WWOX: variants seen among roughly 807,000 people sequenced by gnomAD.
WWOX encodes the protein WW domain-containing oxidoreductase.
WWOX carries 69 observed loss-of-function variants against 46.2 expected under a neutral mutation model. The observed-to-expected ratio is 1.49, with a 90% confidence interval of 1.23 to 1.82. The LOEUF (loss-of-function observed/expected upper bound fraction) is 1.82. WWOX is among the 40% of genes most tolerant of loss of function. The probability of loss-of-function intolerance (pLI) is 0.00; values close to 1 mark genes in which losing one functional copy is unlikely to be tolerated. For synonymous variants in WWOX, 359 were observed against 202.6 expected (o/e 1.77, Z -6.56); for missense variants, 919 against 542.6 (o/e 1.69, Z -6.89).
At chr16:78,503,938 A>G (rs1163662978) in intron 8 of WWOX, 1 of 152,234 alleles carries the variant, frequency 6.6e-6, no homozygotes, top group Non-Finnish European at 1.5e-5. Flanking sequence ...AGTAAATCAC[A>G]TTTTTATGCT....
chr16:78,922,002 C>G (rs910593724), intron 8 of WWOX, among the ~76,000 whole-genome samples: 4 of 152,196 alleles, frequency 2.6e-5, no homozygotes, highest in Non-Finnish European at 4.4e-5. Context: ...CTTCTATTGT[C>G]CTCTACCCAT....
At chr16:78,978,084 T>C (rs2046608709) in intron 8 of WWOX, among the ~76,000 whole-genome samples, 1 of 152,210 alleles carries the variant, frequency 6.6e-6, no homozygotes, top group Non-Finnish European at 1.5e-5. Context: ...TCAGTAGGTT[T>C]GCTTATTTGG....
At chr16:78,886,074 G>A (rs529892702) in intron 8 of WWOX, among the ~76,000 whole-genome samples, 6 of 151,588 alleles carry the variant, frequency 4.0e-5, no homozygotes, top group African/African-American at 9.7e-5. Flanking sequence ...ACAGGTGCTC[G>A]CCACCACACC....
intron 6 of WWOX, among the ~76,000 whole-genome samples, chr16:78,417,130 T>TG (rs35050448): frequency 6.6e-6 from 1 of 151,994 alleles, no homozygotes; most frequent in Non-Finnish European, 1.5e-5. Context: ...TGGAGATCAG[T>TG]GGGGTGATTA....
At chr16:78,905,082 C>T (rs1597131617) in intron 8 of WWOX, among the ~76,000 whole-genome samples, 1 of 152,084 alleles carries the variant, frequency 6.6e-6, no homozygotes, top group Non-Finnish European at 1.5e-5. Flanking sequence ...GACTTGTATT[C>T]TTGGGGTCAC....
chr16:78,754,923 C>T (rs1227756953), intron 8 of WWOX, among the ~76,000 whole-genome samples: 4 of 151,776 alleles, frequency 2.6e-5, no homozygotes, highest in Non-Finnish European at 2.9e-5. Flanking sequence ...TACTGCTGTC[C>T]CCAGGGAAGA....
At chr16:78,546,926 A>G (rs1021186095) in intron 8 of WWOX, among the ~76,000 whole-genome samples, 4 of 152,042 alleles carry the variant, frequency 2.6e-5, no homozygotes, top group African/African-American at 9.7e-5. Flanking sequence ...CAGGGGTTTC[A>G]GATCAGTCTG....
At chr16:79,090,171 G>A (rs1333699537) in intron 8 of WWOX, 2 of 152,032 alleles carry the variant, frequency 1.3e-5, no homozygotes, top group African/African-American at 4.8e-5. Flanking sequence ...TAATGTTACT[G>A]GAAGGCCCAT....
At chr16:79,006,858 G>C (rs1243304144) in intron 8 of WWOX, among the ~76,000 whole-genome samples, 1 of 152,152 alleles carries the variant, frequency 6.6e-6, no homozygotes. Context: ...TCTCTCTTCA[G>C]ATTCCCTCTT....
intron 5 of WWOX, among the ~76,000 whole-genome samples, chr16:78,202,957 C>A (rs2036279865): frequency 6.6e-6 from 1 of 152,138 alleles, no homozygotes; most frequent in Non-Finnish European, 1.5e-5. Flanking sequence ...AAAATAAAAA[C>A]ATGTTTCAGT....
chr16:78,883,850 A>G (rs1450276571), intron 8 of WWOX, among the ~76,000 whole-genome samples: 1 of 152,206 alleles, frequency 6.6e-6, no homozygotes, highest in East Asian at 1.9e-4. Context: ...GTTTCCTGTA[A>G]TACTAATATT....
intron 8 of WWOX, among the ~76,000 whole-genome samples, chr16:78,979,752 C>T (rs186664421): frequency 6.6e-6 from 1 of 152,266 alleles, no homozygotes; most frequent in East Asian, 1.9e-4. Flanking sequence ...CCAGGTTTTT[C>T]CTTCTCAGCT....
chr16:78,788,875 G>C (rs1486915692), intron 8 of WWOX, among the ~76,000 whole-genome samples: 3 of 152,208 alleles, frequency 2.0e-5, no homozygotes, highest in Admixed American at 6.5e-5. Flanking sequence ...ACAGTGTCAG[G>C]ATTGAATTGG....
At chr16:78,981,407 T>C (rs2046679257) in intron 8 of WWOX, among the ~76,000 whole-genome samples, 1 of 151,570 alleles carries the variant, frequency 6.6e-6, no homozygotes, top group Non-Finnish European at 1.5e-5. Context: ...ATGCAGCACG[T>C]ATCACATCCA....
chr16:79,128,081 TC>T (rs1000583075), intron 8 of WWOX, among the ~76,000 whole-genome samples: 6 of 152,214 alleles, frequency 3.9e-5, no homozygotes, highest in African/African-American at 1.4e-4. Flanking sequence ...TACCCCCTTC[TC>T]CATCCCCCAC....
In WWOX at chr16:78,197,780, A is replaced by G. The variant is rs554801026; in HGVS notation, c.516+33491A>G. Among the ~76,000 whole-genome samples the G allele has an allele frequency of 2.0e-5, 3 of 152,242 alleles. No individual in the cohort carries two copies. In the South Asian group the frequency reaches 6.2e-4, roughly 32 times the overall value. On this transcript the variant is annotated intron_variant, in intron 5 of 8. Transcript: ENST00000566780. ...TGAGGGAGATGGCAGTGCAATCAAG[A>G]CATACTGACAAGGAGAGGAGGTGAG... is the stretch of plus-strand genomic sequence containing the variant.
At chr16:79,139,802 T>C (rs2050053743) in intron 8 of WWOX, among the ~76,000 whole-genome samples, 1 of 152,244 alleles carries the variant, frequency 6.6e-6, no homozygotes, top group Admixed American at 6.5e-5. Flanking sequence ...AAAATGTCCC[T>C]GGGCACTTGC....
intron 8 of WWOX, among the ~76,000 whole-genome samples, chr16:79,153,313 G>A (rs1302489348): frequency 6.6e-6 from 1 of 152,080 alleles, no homozygotes; most frequent in African/African-American, 2.4e-5. Flanking sequence ...TTTCTGGAGG[G>A]TCTAGAGTCA....
intron 5 of WWOX, among the ~76,000 whole-genome samples, chr16:78,276,629 C>A (rs527296657): frequency 8.5e-5 from 13 of 152,164 alleles, no homozygotes; most frequent in Non-Finnish European, 1.5e-5. Flanking sequence ...AAATTGGGAT[C>A]GCATGGAGAA....
Sources: gnomAD v4.1 joint callset for allele counts (sites outside exome capture counted in the v4.1 genomes callset) on GRCh38, gnomAD v4.1.1 for gene constraint, MANE v1.5 for transcripts, NCBI Gene and HGNC (gene_info 2026-07-23, HGNC 2026-07-21) for gene names.